The following MAPK4 variants were observed in gnomAD, a reference collection of about 807,000 sequenced individuals.
The protein encoded by MAPK4 is Erk3-related.
MAPK4 carries 22 observed loss-of-function variants against 47.7 expected under a neutral mutation model. The ratio of observed to expected loss-of-function variants is 0.46; its 90% CI spans 0.33 to 0.66. The LOEUF is 0.66. MAPK4 is among the 30% of genes least tolerant of loss of function. The pLI is 0.02. For synonymous variants in MAPK4, 390 were observed against 365.7 expected, an observed-to-expected ratio of 1.07 and a Z score of -0.76; for missense variants, 736 against 831.7, an observed-to-expected ratio of 0.88 and a Z score of 1.42.
intron 2 of MAPK4, among the ~76,000 whole-genome samples, chr18:50,682,337 G>A (rs185313157): frequency 1.8e-4 from 28 of 152,178 alleles, no homozygotes; most frequent in African/African-American, 6.7e-4. Context: ...ATACCCTCCA[G>A]GCCCAAATAG....
At position 50,729,567 on chromosome 18, in the gene MAPK4, AT is replaced by A; in HGVS notation, c.1478del (p.Ile493ThrfsTer55). On this transcript the variant is annotated frameshift_variant, in exon 6 of 6. Transcript: ENST00000400384. LOFTEE classifies it high-confidence loss of function. ...EDEPASLFLE[I>X]AQWVKSTQGG... ...CGAGCCGGCCAGCCTCTTCCTGGAG[AT>A]CGCGCAGTGGGTCAAGAGCACGCAG... 1.4e-6 allele frequency: 2 copies of A among 1,424,522 alleles called. No individual in the cohort carries two copies. The highest frequency in any genetic ancestry group is 1.8e-6 in the Non-Finnish European group (2 of 1,088,162). 88.2% of individuals were successfully genotyped at this position (1,424,522 alleles called of 1,614,324 possible).
chr18:50,696,196 G>A (rs532531231), intron 2 of MAPK4, among the ~76,000 whole-genome samples: 2 of 152,132 alleles, frequency 1.3e-5, no homozygotes, highest in South Asian at 4.2e-4. Context: ...GCGGAGCCAG[G>A]ACATCCTAGA....
chr18:50,717,371 A>AG (rs1910694890), intron 3 of MAPK4, among the ~76,000 whole-genome samples: 1 of 152,142 alleles, frequency 6.6e-6, no homozygotes, highest in African/African-American at 2.4e-5. Context: ...AGTGTGGCCC[A>AG]GGGGGAGCGT....
At chr18:50,573,498 A>G (rs2042267953) in intron 1 of MAPK4, among the ~76,000 whole-genome samples, 1 of 152,160 alleles carries the variant, frequency 6.6e-6, no homozygotes, top group Non-Finnish European at 1.5e-5. Context: ...TCTAAGTTAC[A>G]TGCTCCTTAT....
chr18:50,692,542 G>A (rs1204240610), intron 2 of MAPK4, among the ~76,000 whole-genome samples: 1 of 152,166 alleles, frequency 6.6e-6, no homozygotes, highest in Non-Finnish European at 1.5e-5. Context: ...CCTATAAAAA[G>A]GAAACAACAG....
chr18:50,612,071 C>A (rs2042641731), intron 1 of MAPK4, among the ~76,000 whole-genome samples: 1 of 152,132 alleles, frequency 6.6e-6, no homozygotes, highest in African/African-American at 2.4e-5. Flanking sequence ...CTTCTTTAGG[C>A]TCCCTCCTAG....
intron 1 of MAPK4, among the ~76,000 whole-genome samples, chr18:50,646,075 G>A (rs1317435900): frequency 6.6e-6 from 1 of 152,194 alleles, no homozygotes; most frequent in Non-Finnish European, 1.5e-5. Context: ...AAAATGGAAG[G>A]CATCAATTCC....
In MAPK4 at chr18:50,579,799, AC is replaced by A. The variant is rs2042328090; in HGVS notation, c.-871+19557del. Among the ~76,000 whole-genome samples, 4 of 152,282 alleles carry A rather than the reference AC, an allele frequency of 2.6e-5. No individual in the cohort carries two copies. The South Asian group carries it at 8.3e-4, about 32-fold the overall frequency. The stretch of plus-strand genomic sequence containing the variant: ...CCCACTCCATGCCCATCACAGTTGC[AC>A]ACCAGGTGTGCATGAAGAAAATGGA... On this transcript the variant is annotated intron_variant, in intron 1 of 5. Coordinates refer to ENST00000400384, the MANE Select transcript of MAPK4 (RefSeq NM_002747.4).
intron 1 of MAPK4, among the ~76,000 whole-genome samples, chr18:50,588,066 C>CT (rs150401862): frequency 6.6e-6 from 1 of 152,114 alleles, no homozygotes; most frequent in East Asian, 1.9e-4. Flanking sequence ...TTCTCAGTGT[C>CT]TTTTTTGTCG....
chr18:50,625,927 C>CACACACACAT (rs1167419602), intron 1 of MAPK4, among the ~76,000 whole-genome samples: 129 of 93,408 alleles, frequency 1.4e-3, no homozygotes, highest in African/African-American at 5.2e-3. Context: ...CACACACACA[C>CACACACACAT]ATATATAATG....
At chr18:50,639,100 C>G (rs2042915646) in intron 1 of MAPK4, among the ~76,000 whole-genome samples, 1 of 152,162 alleles carries the variant, frequency 6.6e-6, no homozygotes, top group East Asian at 1.9e-4. Flanking sequence ...CCTGGTACCC[C>G]AGGCTCAAAA....
At chr18:50,640,814 ACACACACACG>A (rs1178561805) in intron 1 of MAPK4, among the ~76,000 whole-genome samples, 1 of 152,042 alleles carries the variant, frequency 6.6e-6, no homozygotes, top group African/African-American at 2.4e-5. Flanking sequence ...TTAAACACAC[ACACACACACG>A]CACACACACA....
At chr18:50,646,847 C>T (rs2042994472) in intron 1 of MAPK4, among the ~76,000 whole-genome samples, 1 of 152,202 alleles carries the variant, frequency 6.6e-6, no homozygotes, top group African/African-American at 2.4e-5. Context: ...CCTTGCCCAC[C>T]TCCTGGATAG....
chr18:50,582,074 A>G (rs2042350851), intron 1 of MAPK4, among the ~76,000 whole-genome samples: 1 of 152,192 alleles, frequency 6.6e-6, no homozygotes. Context: ...GGACCCATTC[A>G]GTGGGTCTGT....
At chr18:50,602,602 T>C (rs1438355047) in intron 1 of MAPK4, among the ~76,000 whole-genome samples, 1 of 152,232 alleles carries the variant, frequency 6.6e-6, no homozygotes, top group East Asian at 1.9e-4. Context: ...TAATCAGGAA[T>C]CAACATTCCA....
rs145515463 is a variant in MAPK4, at chr18:50,728,028, G to A, written c.1068-1130G>A. 2.0e-3 allele frequency among the ~76,000 whole-genome samples: 300 copies of A among 152,318 alleles called. 2 individuals carry two copies. The highest frequency in any genetic ancestry group is 0.01 in the Middle Eastern group (3 of 294). On this transcript the variant is annotated intron_variant, in intron 5 of 5. Transcript: ENST00000400384. ...TAGGAGCAATTCCTGCCCTAGCAGC[G>A]TCACTGGGAGGCGGGCAGTGCTGAG...
chr18:50,577,323 AG>A (rs1286092134), intron 1 of MAPK4, among the ~76,000 whole-genome samples: 1 of 152,196 alleles, frequency 6.6e-6, no homozygotes, highest in Non-Finnish European at 1.5e-5. Flanking sequence ...ATTTGTGCCC[AG>A]GCTTCAGCCC....
chr18:50,717,379 C>T (rs1311172924), intron 3 of MAPK4, among the ~76,000 whole-genome samples: 3 of 152,086 alleles, frequency 2.0e-5, no homozygotes, highest in Non-Finnish European at 4.4e-5. Context: ...CCAGGGGGAG[C>T]GTGTTTTCTC....
Position 50,729,972 on chromosome 18 carries a change from T to A in MAPK4, c.*118T>A. ...GCTGCCTTGGGGTTGGCAGAACACG[T>A]GAAGGATCCGAGGAGCGAGAGGAAT... is the stretch of plus-strand genomic sequence containing the variant. On this transcript the variant is annotated 3_prime_UTR_variant, in exon 6 of 6. Transcript: ENST00000400384. 9.5e-7 allele frequency: 1 copy of A among 1,051,400 alleles called. No individual in the cohort carries two copies. Among genetic ancestry groups the A allele is most frequent in the Non-Finnish European group, 1.3e-6 (1 of 747,518 alleles). The allele number at this position is 1,051,400 out of a possible 1,614,324, so 65.1% of individuals were successfully genotyped here.
Sources: allele counts gnomAD v4.1 joint callset (sites outside exome capture counted in the v4.1 genomes callset), GRCh38; gene constraint gnomAD v4.1.1; transcripts MANE v1.5; gene names NCBI Gene and HGNC (gene_info 2026-07-23, HGNC 2026-07-21).